Variants in TMEM132D observed in about 807,000 individuals in gnomAD.
TMEM132D encodes the protein transmembrane protein 132D.
TMEM132D carries 21 observed loss-of-function variants against 62.3 expected under a neutral mutation model. That is an observed-to-expected ratio of 0.34 (90% CI 0.24 to 0.49). TMEM132D has a LOEUF of 0.49. TMEM132D is among the 20% of genes least tolerant of loss of function. The pLI, the probability that TMEM132D is intolerant of heterozygous loss-of-function variation, is 0.99. For synonymous variants in TMEM132D, 621 were observed against 575.6 expected, an observed-to-expected ratio of 1.08 and a Z score of -1.13; for missense variants, 1,346 against 1,402.8, an observed-to-expected ratio of 0.96 and a Z score of 0.65.
intron 1 of TMEM132D, among the ~76,000 whole-genome samples, chr12:129,762,285 A>G (rs1017659663): frequency 1.3e-5 from 2 of 152,060 alleles, no homozygotes; most frequent in Non-Finnish European, 2.9e-5. Flanking sequence ...TTTCAAAACT[A>G]ATTTCCTAGT....
In TMEM132D at chr12:129,841,252, A is replaced by T. The variant is rs542888407; in HGVS notation, c.79+62009T>A. On this transcript the variant is annotated intron_variant, in intron 1 of 8. Transcript: ENST00000422113. ...CCTTTTCCCCCTTGGAGAGCATCAAATCTCAAAAGGAAGAAAGAAAAGATT... is the reference window on the plus strand; with the variant it reads ...CCTTTTCCCCCTTGGAGAGCATCAATTCTCAAAAGGAAGAAAGAAAAGATT... Among the ~76,000 whole-genome samples the T allele has an allele frequency of 4.6e-5, 7 of 152,236 alleles. No individual in the cohort carries two copies. In the East Asian group the frequency reaches 1.4e-3, roughly 29 times the overall value.
At chr12:129,808,896 C>T (rs1872079071) in intron 1 of TMEM132D, among the ~76,000 whole-genome samples, 2 of 151,858 alleles carry the variant, frequency 1.3e-5, no homozygotes, top group Non-Finnish European at 1.5e-5. Context: ...AAATTGACCA[C>T]AAGAAACATC....
intron 5 of TMEM132D, among the ~76,000 whole-genome samples, chr12:129,163,542 C>T (rs1301095993): frequency 2.0e-5 from 3 of 152,204 alleles, no homozygotes; most frequent in Non-Finnish European, 4.4e-5. Flanking sequence ...GTGTTTGCTG[C>T]TTCCCCTTCC....
chr12:129,260,374 T>C (rs922150363), intron 4 of TMEM132D, among the ~76,000 whole-genome samples: 1 of 152,092 alleles, frequency 6.6e-6, no homozygotes, highest in East Asian at 1.9e-4. Context: ...GTGGCTTCAA[T>C]CAAGTGGCTG....
intron 4 of TMEM132D, among the ~76,000 whole-genome samples, chr12:129,233,167 A>G (rs1355870622): frequency 6.6e-6 from 1 of 152,196 alleles, no homozygotes; most frequent in African/African-American, 2.4e-5. Context: ...TGATTAACTT[A>G]CTTTTAAAAT....
intron 4 of TMEM132D, among the ~76,000 whole-genome samples, chr12:129,326,964 C>T (rs1658890235): frequency 6.6e-6 from 1 of 152,130 alleles, no homozygotes; most frequent in Non-Finnish European, 1.5e-5. Context: ...ATACTTGCGC[C>T]TCTATGCAGA....
chr12:129,583,227 T>C (rs1285234849), intron 2 of TMEM132D, among the ~76,000 whole-genome samples: 1 of 152,154 alleles, frequency 6.6e-6, no homozygotes, highest in African/African-American at 2.4e-5. Context: ...CTCAAAAAAA[T>C]GTTCATCGTG....
At chr12:129,559,599 A>G (rs1384049944) in intron 2 of TMEM132D, among the ~76,000 whole-genome samples, 1 of 152,160 alleles carries the variant, frequency 6.6e-6, no homozygotes, top group Non-Finnish European at 1.5e-5. Flanking sequence ...TAAATGGTAA[A>G]TCTCTATTTT....
chr12:129,240,222 G>A (rs1161293623), intron 4 of TMEM132D, among the ~76,000 whole-genome samples: 1 of 152,196 alleles, frequency 6.6e-6, no homozygotes, highest in Non-Finnish European at 1.5e-5. Flanking sequence ...TAACATATGT[G>A]TGTAATTATT....
At chr12:129,244,410 C>CAAAAAAAAA (rs1305354488) in intron 4 of TMEM132D, among the ~76,000 whole-genome samples, 2 of 122,244 alleles carry the variant, frequency 1.6e-5, no homozygotes, top group African/African-American at 3.1e-5. Context: ...AAAAAAAAAA[C>CAAAAAAAAA]AAACAAAAAG....
At chr12:129,603,439 T>A (rs1053496691) in intron 2 of TMEM132D, among the ~76,000 whole-genome samples, 1 of 152,208 alleles carries the variant, frequency 6.6e-6, no homozygotes, top group Non-Finnish European at 1.5e-5. Flanking sequence ...TGGTACATTT[T>A]TTCTTTTGTA....
chr12:129,205,856 A>G (rs1237635901), intron 5 of TMEM132D, among the ~76,000 whole-genome samples: 1 of 152,204 alleles, frequency 6.6e-6, no homozygotes, highest in East Asian at 1.9e-4. Flanking sequence ...AGAAATAAAT[A>G]CAAAGAAAAT....
chr12:129,305,324 T>C (rs1366272000), intron 4 of TMEM132D, among the ~76,000 whole-genome samples: 1 of 152,132 alleles, frequency 6.6e-6, no homozygotes, highest in East Asian at 1.9e-4. Context: ...AATTCAACAC[T>C]CTCCTGTATA....
At chr12:129,374,268 T>TGAGAGAGAGAGAGA (rs1566048946) in intron 3 of TMEM132D, among the ~76,000 whole-genome samples, 15 of 28,316 alleles carry the variant, frequency 5.3e-4, no homozygotes, top group African/African-American at 1.7e-3. Flanking sequence ...ACCTCACACA[T>TGAGAGAGAGAGAGA]CAGAGAGAGA....
intron 7 of TMEM132D, among the ~76,000 whole-genome samples, chr12:129,080,123 A>G (rs58814593): frequency 0.041 from 6,203 of 152,268 alleles, 431 homozygotes; most frequent in African/African-American, 0.14. Context: ...GCTCTCATCT[A>G]TGAGACAGAT....
At chr12:129,253,180 G>A (rs1251420032) in intron 4 of TMEM132D, among the ~76,000 whole-genome samples, 8 of 148,476 alleles carry the variant, frequency 5.4e-5, no homozygotes, top group South Asian at 2.1e-4. Flanking sequence ...ACCCTAAAAC[G>A]TAAAGTAAAA....
intron 3 of TMEM132D, among the ~76,000 whole-genome samples, chr12:129,487,315 C>T (rs556240338): frequency 4.2e-4 from 64 of 152,178 alleles, no homozygotes; most frequent in Non-Finnish European, 7.6e-4. Flanking sequence ...CACTGTGGTA[C>T]GATGTTTGGC....
intron 4 of TMEM132D, 151 bp from the exon 5 acceptor site, chr12:129,209,814 G>T: frequency 9.6e-7 from 1 of 1,041,696 alleles, no homozygotes; most frequent in Non-Finnish European, 1.4e-6. Context: ...CCAGCTGGCT[G>T]ACCGTGGCAG....
intron 4 of TMEM132D, among the ~76,000 whole-genome samples, chr12:129,325,249 C>G (rs116588549): frequency 6.6e-6 from 1 of 152,102 alleles, no homozygotes; most frequent in Non-Finnish European, 1.5e-5. Context: ...GGGGATCAGA[C>G]GCTGGACAGA....
Sources: gnomAD v4.1 joint callset for allele counts (sites outside exome capture counted in the v4.1 genomes callset) on GRCh38, gnomAD v4.1.1 for gene constraint, MANE v1.5 for transcripts, NCBI Gene and HGNC (gene_info 2026-07-23, HGNC 2026-07-21) for gene names.